The following DGKB variants were observed in gnomAD, a reference collection of about 807,000 sequenced individuals.
DGKB encodes the protein diacylglycerol kinase beta, also known as 90 kDa diacylglycerol kinase.
DGKB carries 67 observed loss-of-function variants against 114.3 expected under a neutral mutation model. That is an observed-to-expected ratio of 0.59 (90% confidence interval 0.48 to 0.72). The LOEUF (loss-of-function observed/expected upper bound fraction) is 0.72. Ranked by LOEUF, DGKB falls within the 30% of genes least tolerant of loss-of-function variation. DGKB has a pLI of 0.00. For synonymous variants in DGKB, 398 were observed against 323.1 expected (o/e 1.23, Z -2.49); for missense variants, 907 against 975.2 (o/e 0.93, Z 0.93).
chr7:14,398,831 T>C (rs1265412483), intron 21 of DGKB, among the ~76,000 whole-genome samples: 2 of 151,488 alleles, frequency 1.3e-5, no homozygotes, highest in Non-Finnish European at 2.9e-5. Flanking sequence ...GGAGGCAAGA[T>C]ATTGACTTGC....
At chr7:14,766,128 C>A (rs1387413002) in intron 2 of DGKB, among the ~76,000 whole-genome samples, 3 of 152,114 alleles carry the variant, frequency 2.0e-5, no homozygotes, top group African/African-American at 7.2e-5. Context: ...GCAGCTATGA[C>A]TTCTTAATCA....
At chr7:14,287,739 G>A (rs947217421) in intron 23 of DGKB, among the ~76,000 whole-genome samples, 10 of 152,080 alleles carry the variant, frequency 6.6e-5, no homozygotes, top group Admixed American at 1.3e-4. Flanking sequence ...AAGTATCTCT[G>A]AACACATGGG....
chr7:14,767,850 A>AT (rs939704819), intron 2 of DGKB, among the ~76,000 whole-genome samples: 1 of 151,778 alleles, frequency 6.6e-6, no homozygotes, highest in Non-Finnish European at 1.5e-5. Context: ...ACTTCATTTT[A>AT]TTTTTTTTAA....
At chr7:14,177,210 G>A (rs575178181) in intron 24 of DGKB, among the ~76,000 whole-genome samples, 29 of 152,008 alleles carry the variant, frequency 1.9e-4, no homozygotes, top group Non-Finnish European at 3.4e-4. Context: ...GAGATTCCTT[G>A]TTTTTATAAC....
chr7:14,724,975 A>G (rs948964990), intron 5 of DGKB, among the ~76,000 whole-genome samples: 3 of 152,148 alleles, frequency 2.0e-5, no homozygotes, highest in African/African-American at 4.8e-5. Flanking sequence ...TTTGAGCCCA[A>G]CCTGGGCAAA....
At chr7:14,207,402 T>G (rs1787010705) in intron 23 of DGKB, among the ~76,000 whole-genome samples, 1 of 151,968 alleles carries the variant, frequency 6.6e-6, no homozygotes, top group South Asian at 2.1e-4. Context: ...CTGGCCAGGA[T>G]GGCATGGAGA....
chr7:14,847,172 T>C (rs1228132810), intron 1 of DGKB, among the ~76,000 whole-genome samples: 1 of 151,288 alleles, frequency 6.6e-6, no homozygotes, highest in Non-Finnish European at 1.5e-5. Context: ...GCACCTGTAG[T>C]CCCAGCTACT....
intron 23 of DGKB, among the ~76,000 whole-genome samples, chr7:14,212,727 A>C (rs1479286196): frequency 6.6e-6 from 1 of 152,102 alleles, no homozygotes; most frequent in African/African-American, 2.4e-5. Context: ...ATACTTCTGA[A>C]TCTAACTCAT....
At chr7:14,798,110 T>A (rs1841658536) in intron 2 of DGKB, among the ~76,000 whole-genome samples, 1 of 152,112 alleles carries the variant, frequency 6.6e-6, no homozygotes, top group African/African-American at 2.4e-5. Context: ...CATCATTCGA[T>A]TAGTTAAAAG....
chr7:14,267,858 T>C (rs1326071108), intron 23 of DGKB, among the ~76,000 whole-genome samples: 1 of 152,138 alleles, frequency 6.6e-6, no homozygotes, highest in African/African-American at 2.4e-5. Context: ...ATAGGGTAAA[T>C]GGCATGAATA....
intron 20 of DGKB, among the ~76,000 whole-genome samples, chr7:14,533,641 G>C (rs1353810286): frequency 5.3e-5 from 8 of 151,802 alleles, no homozygotes; most frequent in Non-Finnish European, 1.0e-4. Context: ...TAATTAAATT[G>C]TGAAAAGGCA....
Position 14,861,213 on chromosome 7 carries a change from C to T in DGKB, c.-187-19763G>A, listed in dbSNP as rs573009596. ...TATTTTATATTTTATATTTCATATT[C>T]TCTAAACTTGAGGCATCCAATAAGA... On this transcript the variant is annotated intron_variant, in intron 1 of 25. Transcript: ENST00000402815. Among the ~76,000 whole-genome samples the T allele has an allele frequency of 8.6e-5, 13 of 152,002 alleles. No homozygotes were observed. The East Asian group carries it at 1.9e-3, about 23-fold the overall frequency.
At chr7:14,794,491 G>A (rs1841122644) in intron 2 of DGKB, among the ~76,000 whole-genome samples, 2 of 152,138 alleles carry the variant, frequency 1.3e-5, no homozygotes, top group Non-Finnish European at 2.9e-5. Flanking sequence ...TGTTCCTGAT[G>A]TTGCTGATCA....
At chr7:14,447,733 T>C (rs763148024) in intron 21 of DGKB, among the ~76,000 whole-genome samples, 2 of 152,130 alleles carry the variant, frequency 1.3e-5, no homozygotes, top group Non-Finnish European at 2.9e-5. Context: ...ATAATAATCA[T>C]ACAGTGTATC....
chr7:14,769,088 AG>A lies in DGKB; in HGVS notation c.71-11358del, dbSNP rs760829995. On this transcript the variant is annotated intron_variant, in intron 2 of 25. Coordinates refer to ENST00000402815, the MANE Select transcript of DGKB (RefSeq NM_001350709.2). ...TTAAAGATAAGAAAGAAAGAAAGAA[AG>A]AAAGAAAGAAAGAAAGAAAGAAAGA... 9.1e-4 allele frequency among the ~76,000 whole-genome samples: 115 copies of A among 126,818 alleles called. 1 individual carries two copies. The South Asian group carries it at 0.015, about 17-fold the overall frequency. The allele number at this position is 126,818 out of a possible 152,430, so 83.2% of individuals were successfully genotyped here.
chr7:14,192,540 A>G (rs1475657959), intron 23 of DGKB, among the ~76,000 whole-genome samples: 1 of 152,050 alleles, frequency 6.6e-6, no homozygotes, highest in African/African-American at 2.4e-5. Context: ...ACCCAAAGTG[A>G]TCTGCAGATT....
chr7:14,718,778 T>A, intron 5 of DGKB, 93 bp from the exon 6 acceptor site: 1 of 931,024 alleles, frequency 1.1e-6, no homozygotes, highest in Non-Finnish European at 1.6e-6. Flanking sequence ...ACAGGCTACA[T>A]AGAAATTTAT....
chr7:14,325,931 A>T lies in DGKB; in HGVS notation c.2122+12584T>A, dbSNP rs960747509. Among the ~76,000 whole-genome samples, 10 of 152,272 alleles carry T rather than the reference A, an allele frequency of 6.6e-5. No individual in the cohort carries two copies. The East Asian group carries it at 1.7e-3, about 26-fold the overall frequency. Reference sequence around the variant, plus strand: ...TTTTATAGAAAAATAATACAATCTTACATTTCTATTTAATCATTGTTTAAA... The same window carrying T: ...TTTTATAGAAAAATAATACAATCTTTCATTTCTATTTAATCATTGTTTAAA... On this transcript the variant is annotated intron_variant, in intron 23 of 25. Transcript: ENST00000402815.
intron 20 of DGKB, among the ~76,000 whole-genome samples, chr7:14,556,615 A>C (rs1795914069): frequency 6.6e-6 from 1 of 152,164 alleles, no homozygotes; most frequent in Admixed American, 6.6e-5. Context: ...ATCACAAAAA[A>C]CAGCAACTCT....
Sources: allele counts gnomAD v4.1 joint callset (sites outside exome capture counted in the v4.1 genomes callset), GRCh38; gene constraint gnomAD v4.1.1; transcripts MANE v1.5; gene names NCBI Gene and HGNC (gene_info 2026-07-23, HGNC 2026-07-21).